SPAG16: variants seen among roughly 807,000 people sequenced by gnomAD.
The protein encoded by SPAG16 is sperm associated antigen 16, also known as sperm-associated antigen 16 protein.
Under a neutral mutation model 80.4 loss-of-function variants are expected in SPAG16, and 86 were observed. The ratio of observed to expected loss-of-function variants is 1.07; its 90% CI spans 0.90 to 1.28. The LOEUF is 1.28. SPAG16 is among the 50% of genes most tolerant of loss of function. The pLI is 0.00. For synonymous variants in SPAG16, 294 were observed against 265.9 expected (o/e 1.11, Z -1.03); for missense variants, 870 against 765.3 (o/e 1.14, Z -1.61).
At chr2:214,037,442 A>G (rs1317406363) in intron 13 of SPAG16, among the ~76,000 whole-genome samples, 1 of 152,088 alleles carries the variant, frequency 6.6e-6, no homozygotes, top group Non-Finnish European at 1.5e-5. Context: ...GTAACTTAGT[A>G]TATGATTACA....
intron 10 of SPAG16, among the ~76,000 whole-genome samples, chr2:213,557,943 CTAGAG>C (rs1475841646): frequency 6.6e-6 from 1 of 152,094 alleles, no homozygotes; most frequent in Non-Finnish European, 1.5e-5. Flanking sequence ...GTCATCAGAA[CTAGAG>C]TAAAATGTTC....
chr2:213,858,278 C>A (rs2075264536), intron 10 of SPAG16, among the ~76,000 whole-genome samples: 1 of 152,222 alleles, frequency 6.6e-6, no homozygotes, highest in Non-Finnish European at 1.5e-5. Context: ...AAAAGTACAT[C>A]AATGTGGCAA....
chr2:214,179,051 T>A (rs1238105857), intron 15 of SPAG16, among the ~76,000 whole-genome samples: 1 of 151,398 alleles, frequency 6.6e-6, no homozygotes, highest in Non-Finnish European at 1.5e-5. Context: ...AATGAAAATA[T>A]TGCCAAACTC....
At chr2:213,863,564 A>G (rs2075568703) in intron 11 of SPAG16, among the ~76,000 whole-genome samples, 1 of 152,122 alleles carries the variant, frequency 6.6e-6, no homozygotes, top group Admixed American at 6.6e-5. Context: ...CTTTAGTACT[A>G]GATGTTTGAC....
intron 14 of SPAG16, among the ~76,000 whole-genome samples, chr2:214,135,362 T>C (rs888578139): frequency 2.6e-5 from 4 of 152,206 alleles, no homozygotes; most frequent in South Asian, 2.1e-4. Flanking sequence ...TTGCTTGATT[T>C]GTTCTTTGTT....
intron 15 of SPAG16, among the ~76,000 whole-genome samples, chr2:214,345,885 G>C (rs892631964): frequency 5.9e-5 from 9 of 152,038 alleles, no homozygotes; most frequent in Non-Finnish European, 1.2e-4. Context: ...TTCACATCTA[G>C]GAATAGTTCA....
intron 15 of SPAG16, among the ~76,000 whole-genome samples, chr2:214,270,503 C>G (rs968203892): frequency 1.3e-5 from 2 of 152,088 alleles, no homozygotes; most frequent in Admixed American, 6.6e-5. Context: ...CTGTGCTTAT[C>G]AAACTAAACT....
intron 10 of SPAG16, among the ~76,000 whole-genome samples, chr2:213,836,431 A>G (rs1191593718): frequency 1.3e-5 from 2 of 152,082 alleles, no homozygotes; most frequent in Non-Finnish European, 2.9e-5. Context: ...TCAACTATCA[A>G]AAACATTGCT....
At chr2:213,988,060 G>A (rs2372109) in intron 12 of SPAG16, among the ~76,000 whole-genome samples, 84,030 of 151,560 alleles carry the variant, frequency 0.55, 24,946 homozygotes, top group South Asian at 0.77. Flanking sequence ...CTGGGGATCT[G>A]AAATGATTGT....
chr2:214,383,978 A>G (rs1700607068), intron 15 of SPAG16, among the ~76,000 whole-genome samples: 1 of 152,160 alleles, frequency 6.6e-6, no homozygotes, highest in Non-Finnish European at 1.5e-5. Context: ...TCACTGACAT[A>G]TTACTTTTTT....
intron 9 of SPAG16, among the ~76,000 whole-genome samples, chr2:213,461,393 T>C (rs894662702): frequency 1.3e-5 from 2 of 152,174 alleles, no homozygotes; most frequent in African/African-American, 4.8e-5. Flanking sequence ...ATTTAAACTT[T>C]ATCCAGTGGA....
intron 10 of SPAG16, among the ~76,000 whole-genome samples, chr2:213,706,716 G>A (rs917225654): frequency 2.6e-5 from 4 of 151,454 alleles, no homozygotes; most frequent in East Asian, 1.9e-4. Flanking sequence ...TTAGTTTTTC[G>A]GAATGAAAAC....
chr2:213,487,497 C>G (rs570672047), intron 9 of SPAG16, among the ~76,000 whole-genome samples: 17 of 152,212 alleles, frequency 1.1e-4, no homozygotes, highest in African/African-American at 3.6e-4. Context: ...TGAAATATTT[C>G]AGCACATAGG....
intron 10 of SPAG16, among the ~76,000 whole-genome samples, chr2:213,744,637 A>G (rs1162807755): frequency 6.6e-6 from 1 of 152,208 alleles, no homozygotes; most frequent in Non-Finnish European, 1.5e-5. Context: ...TTTTAAATCA[A>G]TGGGAAGTAT....
At chr2:214,173,039 T>C (rs1236113175) in intron 15 of SPAG16, among the ~76,000 whole-genome samples, 2 of 150,796 alleles carry the variant, frequency 1.3e-5, no homozygotes, top group Non-Finnish European at 3.0e-5. Context: ...TTCTCCCATT[T>C]TGTAGGTTGC....
intron 13 of SPAG16, among the ~76,000 whole-genome samples, chr2:214,064,405 A>G (rs2050432619): frequency 6.6e-6 from 1 of 152,134 alleles, no homozygotes; most frequent in South Asian, 2.1e-4. Flanking sequence ...TGTTCTAAAA[A>G]TTAACTCATT....
At position 213,876,909 on chromosome 2, in the gene SPAG16, T is replaced by C. The variant is rs556569412; in HGVS notation, c.1214+14281T>C. ...TTACAAGTCCCATTTACACAAATTA[T>C]TTATTTTGGTCTTCAACAATGTTAA... is the stretch of plus-strand genomic sequence containing the variant. On this transcript the variant is annotated intron_variant, in intron 11 of 15. Transcript: ENST00000331683. 1.5e-4 allele frequency among the ~76,000 whole-genome samples: 23 copies of C among 152,298 alleles called. No individual in the cohort carries two copies. The South Asian group carries it at 3.7e-3, about 25-fold the overall frequency.
intron 13 of SPAG16, among the ~76,000 whole-genome samples, chr2:214,092,576 A>G (rs1275453241): frequency 6.6e-6 from 1 of 151,440 alleles, no homozygotes; most frequent in Non-Finnish European, 1.5e-5. Context: ...AACAAATCAA[A>G]TTTTTTCCTG....
Position 214,361,163 on chromosome 2 carries a change from G to A in SPAG16, c.1721-48977G>A, listed in dbSNP as rs922349578. 2.6e-5 allele frequency among the ~76,000 whole-genome samples: 4 copies of A among 151,920 alleles called. No individual in the cohort carries two copies. In the East Asian group the frequency reaches 7.7e-4, roughly 29 times the overall value. ...TTTCACTGCATTTGCTATTCACGAT[G>A]TTCTCTCAGCTTGAAGTCCAAAATG... On this transcript the variant is annotated intron_variant, in intron 15 of 15. Coordinates refer to ENST00000331683, the MANE Select transcript of SPAG16 (RefSeq NM_024532.5).
Sources: gnomAD v4.1 joint callset for allele counts (sites outside exome capture counted in the v4.1 genomes callset) on GRCh38, gnomAD v4.1.1 for gene constraint, MANE v1.5 for transcripts, NCBI Gene and HGNC (gene_info 2026-07-23, HGNC 2026-07-21) for gene names.